Variants in RANBP10 observed in about 807,000 individuals in gnomAD.
RANBP10 encodes RAN binding protein 10.
In RANBP10, 24 loss-of-function variants were observed where a neutral mutation model predicts 72.8. The ratio of observed to expected loss-of-function variants is 0.33; its 90% confidence interval spans 0.24 to 0.46. RANBP10 has a LOEUF of 0.46. RANBP10 is among the 20% of genes least tolerant of loss of function. The pLI is 1.00. For synonymous variants in RANBP10, 310 were observed against 322.3 expected (o/e 0.96, Z 0.41); for missense variants, 679 against 817.5 (o/e 0.83, Z 2.07).
At position 67,730,483 on chromosome 16, in the gene RANBP10, T is replaced by C. The variant is rs2053705958; in HGVS notation, c.890-437A>G. Among the ~76,000 whole-genome samples, 1 of 152,120 alleles carries C rather than the reference T, an allele frequency of 6.6e-6. No individual in the cohort carries two copies. Among genetic ancestry groups the C allele is most frequent in the African/African-American group, 2.4e-5 (1 of 41,432 alleles). The stretch of plus-strand genomic sequence containing the variant: ...CAGGGGAATGGCAATGGAATCACAC[T>C]GGTTTCTGACCAGGGCTCTGGCTGG... On this transcript the variant is annotated intron_variant, in intron 7 of 13. Transcript: ENST00000317506. This position sits in a 1 kb window ranked among gnomAD's most constrained non-coding sequence, Gnocchi z 4.3.
At chr16:67,778,206 G>C (rs1482383590) in intron 2 of RANBP10, among the ~76,000 whole-genome samples, 1 of 152,106 alleles carries the variant, frequency 6.6e-6, no homozygotes, top group Non-Finnish European at 1.5e-5. Context: ...AAAACTAGCT[G>C]GGCATAGTGG....
chr16:67,755,337 A>C (rs1280841574), intron 3 of RANBP10, among the ~76,000 whole-genome samples: 1 of 152,136 alleles, frequency 6.6e-6, no homozygotes, highest in East Asian at 1.9e-4. Flanking sequence ...TGTGACCTGC[A>C]CTATGAGGCC....
chr16:67,794,139 T>A (rs1031694865), intron 2 of RANBP10, among the ~76,000 whole-genome samples: 19 of 152,276 alleles, frequency 1.2e-4, no homozygotes, highest in Admixed American at 1.2e-3. Flanking sequence ...CGTCTTGGCC[T>A]TCCAAAGTGC....
At chr16:67,780,424 T>C (rs1250751723) in intron 2 of RANBP10, among the ~76,000 whole-genome samples, 1 of 151,988 alleles carries the variant, frequency 6.6e-6, no homozygotes, top group Middle Eastern at 3.4e-3. Context: ...TTAAGGAGTC[T>C]GAACTTCATG....
intron 3 of RANBP10, among the ~76,000 whole-genome samples, chr16:67,747,693 C>A (rs190426426): frequency 2.6e-5 from 4 of 151,732 alleles, no homozygotes; most frequent in African/African-American, 4.8e-5. Context: ...TTAGCAGAGT[C>A]GGGGTTTCAC....
chr16:67,728,645 C>G, intron 10 of RANBP10, 134 bp from the exon 11 acceptor site: 1 of 1,507,928 alleles, frequency 6.6e-7, no homozygotes, highest in Non-Finnish European at 8.9e-7. Context: ...AAGGACAGCT[C>G]AGGCTTCCAA....
At chr16:67,753,915 A>C (rs1207159535) in intron 3 of RANBP10, among the ~76,000 whole-genome samples, 1 of 152,070 alleles carries the variant, frequency 6.6e-6, no homozygotes, top group African/African-American at 2.4e-5. Flanking sequence ...CAGGCGGATC[A>C]TGAGGTCAGG....
intron 4 of RANBP10, among the ~76,000 whole-genome samples, chr16:67,741,467 C>T (rs1222190194): frequency 2.0e-5 from 3 of 152,166 alleles, no homozygotes; most frequent in Non-Finnish European, 4.4e-5. Context: ...AGGATGCAAA[C>T]GGGATAGCTG....
At chr16:67,740,898 T>C (rs2053956864) in intron 4 of RANBP10, among the ~76,000 whole-genome samples, 1 of 152,200 alleles carries the variant, frequency 6.6e-6, no homozygotes, top group South Asian at 2.1e-4. Flanking sequence ...GAAATCTCTC[T>C]GTACCCAGGA....
chr16:67,762,434 C>T (rs1376915096), intron 3 of RANBP10: 1 of 152,212 alleles, frequency 6.6e-6, no homozygotes, highest in East Asian at 1.9e-4. Flanking sequence ...AGTAAAGTAA[C>T]TCACTCCAGG....
chr16:67,729,344 C>T lies in RANBP10; in HGVS notation c.1288G>A (p.Glu430Lys), dbSNP rs772097093. ...SSSPSSVNYS[E>K]SNSTDSTKSQ... ...TTGGTGGAGTCTGTTGAGTTGGACT[C>T]GGAGTAATTGACGGAGGATGGGGAA... The change falls in exon 10 of 14, where the codon GAG becomes AAG. Residue 430 changes from glutamate to lysine, a missense_variant. Glu to Lys is a moderately conservative substitution (Grantham distance 56). Transcript: ENST00000317506. This position sits in a 1 kb window ranked among gnomAD's most constrained non-coding sequence, Gnocchi z 7.1. The T allele has an allele frequency of 2.5e-6, 4 of 1,611,960 alleles. No homozygotes were observed. The highest frequency in any genetic ancestry group is 1.1e-5 in the South Asian group (1 of 91,006).
intron 3 of RANBP10, among the ~76,000 whole-genome samples, chr16:67,771,131 G>A (rs2054599385): frequency 6.6e-6 from 1 of 151,922 alleles, no homozygotes; most frequent in Non-Finnish European, 1.5e-5. Flanking sequence ...ACATGGTGAT[G>A]AGCTCCTGTG....
intron 10 of RANBP10, 53 bp from the exon 11 acceptor site, chr16:67,728,564 C>T: frequency 6.2e-7 from 1 of 1,612,050 alleles, no homozygotes; most frequent in Admixed American, 1.7e-5. Context: ...GTTGGAGCAG[C>T]CTGGTTGGGC....
chr16:67,786,693 C>T (rs1286067468), intron 2 of RANBP10, among the ~76,000 whole-genome samples: 1 of 152,120 alleles, frequency 6.6e-6, no homozygotes, highest in South Asian at 2.1e-4. Flanking sequence ...TTTGGGAGGC[C>T]GAGGCGGGCA....
At chr16:67,801,506 C>A (rs1270894599) in intron 2 of RANBP10, among the ~76,000 whole-genome samples, 1 of 152,206 alleles carries the variant, frequency 6.6e-6, no homozygotes, top group African/African-American at 2.4e-5. Context: ...CCCAGGGACT[C>A]AGGGCTCACT....
chr16:67,733,073 A>AAG (rs2143002161), intron 6 of RANBP10, among the ~76,000 whole-genome samples: 1 of 148,374 alleles, frequency 6.7e-6, no homozygotes, highest in East Asian at 2.0e-4. Context: ...AAAAAAAAAA[A>AAG]AAAATTATTG....
intron 2 of RANBP10, among the ~76,000 whole-genome samples, chr16:67,794,138 C>A (rs2055081884): frequency 6.6e-6 from 1 of 152,176 alleles, no homozygotes; most frequent in African/African-American, 2.4e-5. Context: ...CCGTCTTGGC[C>A]TTCCAAAGTG....
chr16:67,727,938 A>T, intron 11 of RANBP10, 42 bp from the exon 12 acceptor site: 1 of 1,607,872 alleles, frequency 6.2e-7, no homozygotes, highest in South Asian at 1.1e-5. Flanking sequence ...GGAGGGGTGA[A>T]GAGGGAAGGG....
intron 3 of RANBP10, among the ~76,000 whole-genome samples, chr16:67,768,970 G>A (rs1342280066): frequency 6.6e-6 from 1 of 152,166 alleles, no homozygotes; most frequent in Non-Finnish European, 1.5e-5. Context: ...CCTTCCCAAG[G>A]AACAGCAAAT....
Sources: gnomAD v4.1 joint callset for allele counts (sites outside exome capture counted in the v4.1 genomes callset) on GRCh38, gnomAD v4.1.1 for gene constraint, Gnocchi (gnomAD v3.1) non-coding constraint, MANE v1.5 for transcripts, NCBI Gene and HGNC (gene_info 2026-07-23, HGNC 2026-07-21) for gene names.